Variants in SCMH1 observed in about 807,000 individuals in gnomAD.
SCMH1 encodes the protein polycomb protein SCMH1.
Under a neutral mutation model 70.8 loss-of-function variants are expected in SCMH1, and 37 were observed. That is an observed-to-expected ratio of 0.52 (90% CI 0.40 to 0.69). The LOEUF (loss-of-function observed/expected upper bound fraction) is 0.69, where lower values mean the gene tolerates loss of function less well. Among genes scored for constraint, SCMH1 ranks in the 30% least tolerant of loss-of-function variants. The pLI is 0.00. For synonymous variants in SCMH1, 292 were observed against 307.4 expected (o/e 0.95, Z 0.52); for missense variants, 607 against 827.3 (o/e 0.73, Z 3.27).
chr1:41,151,615 T>C, exon 5 of SCMH1: 1 of 1,607,226 alleles, frequency 6.2e-7, no homozygotes, highest in South Asian at 1.1e-5. Context: ...ATCAATTACC[T>C]GCTTGAAGCA....
intron 6 of SCMH1, among the ~76,000 whole-genome samples, chr1:41,120,943 CA>C (rs1671781741): frequency 6.6e-6 from 1 of 152,192 alleles, no homozygotes; most frequent in South Asian, 2.1e-4. Context: ...TATCATGAGC[CA>C]GCTCCTTGTG....
At chr1:41,089,272 T>C (rs1237478011) in intron 8 of SCMH1, among the ~76,000 whole-genome samples, 1 of 152,232 alleles carries the variant, frequency 6.6e-6, no homozygotes, top group African/African-American at 2.4e-5. Context: ...CTAAGCATAG[T>C]ATATCTGCAA....
Position 41,046,675 on chromosome 1 carries a change from A to G in SCMH1, c.1307-77T>C. On this transcript the variant is annotated intron_variant, in intron 11 of 14. Coordinates refer to ENST00000337495, the Ensembl canonical transcript of SCMH1. ...GCGCTAGGCAGGACGAGTCCAGCCC[A>G]CTGCTTGTCTCAGGCTTACCTGGTT... The G allele has an allele frequency of 2.6e-6, 3 of 1,136,238 alleles. No individual in the cohort carries two copies. In the South Asian group the frequency reaches 4.1e-5, roughly 15 times the overall value. The allele number at this position is 1,136,238 out of a possible 1,614,324, so 70.4% of individuals were successfully genotyped here. A position where few individuals can be genotyped will look rare whatever the true frequency, so the allele number is the denominator to read the frequency against.
At chr1:41,107,989 T>C (rs1045066118) in intron 8 of SCMH1, among the ~76,000 whole-genome samples, 2 of 152,226 alleles carry the variant, frequency 1.3e-5, no homozygotes, top group African/African-American at 2.4e-5. Flanking sequence ...CATCAAATTA[T>C]TACCCTCCAG....
chr1:41,035,453 A>C (rs1439605382), intron 13 of SCMH1, among the ~76,000 whole-genome samples: 1 of 152,160 alleles, frequency 6.6e-6, no homozygotes, highest in Admixed American at 6.6e-5. Context: ...GGTTTCCTGC[A>C]AATCATCCCC....
intron 12 of SCMH1, among the ~76,000 whole-genome samples, chr1:41,039,734 A>G (rs1041188488): frequency 6.6e-6 from 1 of 151,622 alleles, no homozygotes; most frequent in African/African-American, 2.4e-5. Context: ...TCGGTCTCCC[A>G]AAGTGTTGGG....
intron 2 of SCMH1, among the ~76,000 whole-genome samples, chr1:41,183,583 C>CAG (rs10683420): frequency 0.25 from 37,650 of 151,888 alleles, 5,232 homozygotes; most frequent in Non-Finnish European, 0.31. Flanking sequence ...TTATGCCTGT[C>CAG]AGTGTCAGAG....
At chr1:41,100,236 G>A (rs1411633999) in intron 8 of SCMH1, among the ~76,000 whole-genome samples, 2 of 152,072 alleles carry the variant, frequency 1.3e-5, no homozygotes, top group African/African-American at 4.8e-5. Flanking sequence ...TCAAAACCCG[G>A]GTATGGTGAT....
intron 8 of SCMH1, among the ~76,000 whole-genome samples, chr1:41,077,126 A>G (rs1658524471): frequency 1.3e-5 from 2 of 152,198 alleles, no homozygotes; most frequent in African/African-American, 4.8e-5. Context: ...AATTATTTAA[A>G]AAGACACCAC....
chr1:41,180,545 C>T (rs962595189), intron 2 of SCMH1, among the ~76,000 whole-genome samples: 2 of 152,184 alleles, frequency 1.3e-5, no homozygotes, highest in African/African-American at 4.8e-5. Flanking sequence ...CATTCTTATA[C>T]ACCAATAACA....
chr1:41,194,698 C>T (rs1459765445), intron 1 of SCMH1, among the ~76,000 whole-genome samples: 3 of 152,102 alleles, frequency 2.0e-5, no homozygotes, highest in Non-Finnish European at 2.9e-5. Context: ...AATATAACCG[C>T]CTAAAATATT....
chr1:41,167,775 C>T (rs150883870), intron 2 of SCMH1, among the ~76,000 whole-genome samples: 1 of 152,086 alleles, frequency 6.6e-6, no homozygotes, highest in Non-Finnish European at 1.5e-5. Flanking sequence ...CGTTCTCTTC[C>T]GAATTCCCTT....
intron 1 of SCMH1, among the ~76,000 whole-genome samples, chr1:41,198,193 T>C (rs1653488241): frequency 6.6e-6 from 1 of 152,206 alleles, no homozygotes; most frequent in Non-Finnish European, 1.5e-5. Flanking sequence ...ATATTACTGA[T>C]CGCTGATGAA....
At chr1:41,059,059 C>G (rs1036845950) in intron 10 of SCMH1, among the ~76,000 whole-genome samples, 4 of 152,152 alleles carry the variant, frequency 2.6e-5, no homozygotes, top group Non-Finnish European at 4.4e-5. Flanking sequence ...GGCTTTTTAC[C>G]TTTCCTTTGG....
chr1:41,067,810 A>G (rs547471355), intron 10 of SCMH1, among the ~76,000 whole-genome samples: 37 of 152,340 alleles, frequency 2.4e-4, no homozygotes, highest in African/African-American at 8.7e-4. Flanking sequence ...CATGGGTGAT[A>G]ATAACGAGTC....
intron 1 of SCMH1, among the ~76,000 whole-genome samples, chr1:41,232,575 G>A (rs1661512289): frequency 6.6e-6 from 1 of 152,144 alleles, no homozygotes; most frequent in Admixed American, 6.5e-5. Flanking sequence ...GCTGGTCTGG[G>A]CTTGAAACCA....
rs772455843 is a variant in SCMH1 at position 41,104,779 on chromosome 1, C to T, written c.745+8504G>A. Among the ~76,000 whole-genome samples, 83 of 152,022 alleles carry T rather than the reference C, an allele frequency of 5.5e-4. 1 individual carries two copies. The highest frequency in any genetic ancestry group is 2.8e-4 in the Non-Finnish European group (19 of 67,976). ...GACCACACCCTCCTGGTTGTTGTGG[C>T]TTATTAGGAAAAAAAGCTGGGTGGA... On this transcript the variant is annotated intron_variant, in intron 8 of 14. Transcript: ENST00000337495.
intron 10 of SCMH1, among the ~76,000 whole-genome samples, chr1:41,060,070 A>G (rs1175182128): frequency 6.6e-6 from 1 of 152,106 alleles, no homozygotes; most frequent in Non-Finnish European, 1.5e-5. Flanking sequence ...GATGTAATCT[A>G]TATATAATGG....
intron 8 of SCMH1, among the ~76,000 whole-genome samples, chr1:41,076,453 A>G (rs1433278035): frequency 1.3e-5 from 2 of 152,190 alleles, no homozygotes; most frequent in African/African-American, 4.8e-5. Context: ...CACTGTACTA[A>G]GCTCTGGGGA....
Sources: allele counts gnomAD v4.1 joint callset (sites outside exome capture counted in the v4.1 genomes callset), GRCh38; gene constraint gnomAD v4.1.1; transcripts MANE v1.5; gene names NCBI Gene and HGNC (gene_info 2026-07-23, HGNC 2026-07-21).